PNPLA7: variants seen among roughly 807,000 people sequenced by gnomAD.
PNPLA7 encodes the protein patatin-like phospholipase domain-containing protein 7.
PNPLA7 carries 153 observed loss-of-function variants against 161.7 expected under a neutral mutation model. The observed-to-expected ratio is 0.95, with a 90% CI of 0.83 to 1.08. The LOEUF is 1.08. PNPLA7 is among the 50% of genes least tolerant of loss of function. The probability of loss-of-function intolerance (pLI) is 0.00; values close to 1 mark genes in which losing one functional copy is unlikely to be tolerated. For synonymous variants in PNPLA7, 809 were observed against 782.1 expected, an observed-to-expected ratio of 1.03 and a Z score of -0.57; for missense variants, 1,739 against 1,856.6, an observed-to-expected ratio of 0.94 and a Z score of 1.16.
At chr9:137,461,849 C>A in intron 32 of PNPLA7, 82 bp downstream of exon 32, 1 of 1,403,318 alleles carries the variant, frequency 7.1e-7, no homozygotes, top group Non-Finnish European at 9.5e-7. Context: ...CTGGGCGTGG[C>A]CTGATGAACT....
chr9:137,479,514 G>A, intron 23 of PNPLA7: 4 of 1,175,490 alleles, frequency 3.4e-6, no homozygotes, highest in East Asian at 3.8e-5. Context: ...AACACACACA[G>A]CAACCTTTCC....
At chr9:137,505,909 G>T in intron 13 of PNPLA7, 74 bp downstream of exon 13, 2 of 1,530,246 alleles carry the variant, frequency 1.3e-6, no homozygotes, top group South Asian at 1.2e-5. Flanking sequence ...AGCCGGCGGC[G>T]CCCCCAATGC....
chr9:137,508,528 T>C (rs974352657), intron 12 of PNPLA7, among the ~76,000 whole-genome samples: 1 of 151,614 alleles, frequency 6.6e-6, no homozygotes, highest in Non-Finnish European at 1.5e-5. Flanking sequence ...GATCGCACTA[T>C]TGCATTCCAG....
chr9:137,514,829 G>A (rs375886238), intron 12 of PNPLA7, among the ~76,000 whole-genome samples: 15 of 145,568 alleles, frequency 1.0e-4, no homozygotes, highest in African/African-American at 3.4e-4. Flanking sequence ...GCTGGGCTGC[G>A]GGCGGGTCAC....
intron 25 of PNPLA7, among the ~76,000 whole-genome samples, chr9:137,472,752 T>C (rs566059406): frequency 2.7e-5 from 4 of 147,850 alleles, no homozygotes; most frequent in African/African-American, 9.8e-5. Flanking sequence ...GTCAGGAGTT[T>C]GAGACCAGCC....
At chr9:137,505,167 G>A (rs1457138407) in intron 14 of PNPLA7, among the ~76,000 whole-genome samples, 4 of 110,706 alleles carry the variant, frequency 3.6e-5, no homozygotes, top group African/African-American at 7.2e-5. Context: ...CAGCCTGGGC[G>A]ATACTGCGAG....
Position 137,464,408 on chromosome 9 carries a change from T to C in PNPLA7, c.3088A>G (p.Thr1030Ala). The C allele has an allele frequency of 6.2e-7, 1 of 1,613,876 alleles. No homozygotes were observed. Among genetic ancestry groups the C allele is most frequent in the South Asian group, 1.1e-5 (1 of 91,078 alleles). ...AAGCCGGCTCCGGAGAACATGGACG[T>C]GATGGGGTAGGTGAGGTCCAGCGCG... ...KAALDLTYPI[T>A]SMFSGAGFNS... Residue 1030 changes from threonine to alanine, a missense_variant, in exon 27 of 35, where the codon ACG becomes GCG. This residue lies in a region of PNPLA7 where 703 missense variants were observed against 694.6 expected (regional missense o/e 1.01). Coordinates refer to ENST00000406427, the MANE Select transcript of PNPLA7 (RefSeq NM_001098537.3).
intron 8 of PNPLA7, among the ~76,000 whole-genome samples, chr9:137,532,037 T>C (rs1588693649): frequency 6.6e-6 from 1 of 152,226 alleles, no homozygotes; most frequent in East Asian, 1.9e-4. Flanking sequence ...GCCAGGACTA[T>C]AGGTGCCAAC....
At chr9:137,491,388 C>T in intron 20 of PNPLA7, 1 of 808,160 alleles carries the variant, frequency 1.2e-6, no homozygotes, top group Non-Finnish European at 1.5e-6. Context: ...AGTCTAAACA[C>T]ACAAAAGATA....
At chr9:137,513,883 G>A (rs1033725549) in intron 12 of PNPLA7, among the ~76,000 whole-genome samples, 5 of 152,254 alleles carry the variant, frequency 3.3e-5, no homozygotes, top group Admixed American at 3.3e-4. Context: ...CAGACAATCT[G>A]AGAGGGACGC....
intron 13 of PNPLA7, 22 bp from the exon 14 acceptor site, chr9:137,505,782 G>GGCAATTC (rs1164766226): frequency 1.2e-6 from 2 of 1,612,322 alleles, no homozygotes; most frequent in Admixed American, 3.3e-5. Flanking sequence ...CGGAGATACC[G>GGCAATTC]GCAATTCGAA....
chr9:137,460,399 G>C lies in PNPLA7; in HGVS notation c.4023C>G (p.Asp1341Glu). The C allele has an allele frequency of 1.2e-6, 2 of 1,612,274 alleles. No homozygotes were observed. The highest frequency in any genetic ancestry group is 1.7e-6 in the Non-Finnish European group (2 of 1,179,646). The change falls in exon 35 of 35, where the codon GAC (aspartate) becomes GAG (glutamate). Residue 1341 changes from aspartate to glutamate, a missense_variant. Asp to Glu is a conservative substitution (Grantham distance 45). Transcript: ENST00000406427. ...GGCTCTTTAGCAGAGGCCTCTACCC[G>C]TCCTGGTCAGAGGAGCCCTCAGACA... is the stretch of plus-strand genomic sequence containing the variant. ...PKLSEGSSDQ[D>E]G
At chr9:137,463,369 C>T (rs1301336096) in intron 29 of PNPLA7, 46 bp downstream of exon 29, 1 of 1,510,294 alleles carries the variant, frequency 6.6e-7, no homozygotes, top group East Asian at 2.4e-5. Context: ...GCGGCGTGAC[C>T]CAGGAGCCTG....
chr9:137,463,399 C>T lies in PNPLA7; in HGVS notation c.3343+16G>A, dbSNP rs1831311025. Reference sequence around the variant, plus strand: ...AGCCTGTGCTCCTGCCGGGCGTGGTCCCCCCACCGCAGTACCTGGGAGGTT... The same window carrying T: ...AGCCTGTGCTCCTGCCGGGCGTGGTTCCCCCACCGCAGTACCTGGGAGGTT... On this transcript the variant is annotated intron_variant, in intron 29 of 34. Transcript: ENST00000406427. The T allele has an allele frequency of 1.3e-6, 2 of 1,588,104 alleles. No individual in the cohort carries two copies. Among genetic ancestry groups the T allele is most frequent in the Admixed American group, 1.7e-5 (1 of 57,852 alleles).
intron 12 of PNPLA7, among the ~76,000 whole-genome samples, chr9:137,515,003 C>T (rs1834453542): frequency 6.6e-6 from 1 of 152,126 alleles, no homozygotes; most frequent in Non-Finnish European, 1.5e-5. Context: ...CACACGTCAG[C>T]AGGGCTGGGG....
In PNPLA7 at chr9:137,486,553, A is replaced by G. The variant is rs1832493780; in HGVS notation, c.2198-1817T>C. ...ACAGATAAATGATGCTGCCCATCCC[A>G]CATCCCGAATGAGTGTCCAAGACTC... On this transcript the variant is annotated intron_variant, in intron 20 of 34. Coordinates refer to ENST00000406427, the MANE Select transcript of PNPLA7 (RefSeq NM_001098537.3). The surrounding 1 kb of genome is among the most constrained non-coding windows in gnomAD (Gnocchi z 6.0). Among the ~76,000 whole-genome samples, 1 of 152,116 alleles carries G rather than the reference A, an allele frequency of 6.6e-6. No homozygotes were observed. The highest frequency in any genetic ancestry group is 1.5e-5 in the Non-Finnish European group (1 of 68,018).
intron 21 of PNPLA7, 95 bp downstream of exon 21, chr9:137,484,492 C>A (rs1025366829): frequency 1.5e-6 from 2 of 1,361,540 alleles, no homozygotes; most frequent in Admixed American, 2.8e-5. Flanking sequence ...GCCCACCCAC[C>A]GCCGCGTCCC....
intron 25 of PNPLA7, among the ~76,000 whole-genome samples, chr9:137,474,478 A>G (rs1020262679): frequency 5.9e-5 from 9 of 152,182 alleles, no homozygotes; most frequent in Admixed American, 4.6e-4. Flanking sequence ...TGAGCAAGCA[A>G]GGAGGGCACA....
At position 137,461,336 on chromosome 9, in the gene PNPLA7, G is replaced by T. The variant is rs557029516; in HGVS notation, c.3841+200C>A. ...GAAGGGCAGGGGCTGGGTGACCCGG[G>T]GTGGTCACAGTCCCACTGCTGTGGG... On this transcript the variant is annotated intron_variant, in intron 33 of 34. Transcript: ENST00000406427. The T allele has an allele frequency of 1.2e-3, 662 of 540,994 alleles. 5 individuals carry two copies. The highest frequency in any genetic ancestry group is 0.012 in the African/African-American group (613 of 52,492). 33.5% of individuals were successfully genotyped at this position (540,994 alleles called of 1,614,324 possible).
Sources: allele counts gnomAD v4.1 joint callset (sites outside exome capture counted in the v4.1 genomes callset), GRCh38; gene constraint gnomAD v4.1.1; regional missense constraint gnomAD v4.1.1; non-coding constraint Gnocchi (gnomAD v3.1); transcripts MANE v1.5; gene names NCBI Gene and HGNC (gene_info 2026-07-23, HGNC 2026-07-21).